The following PTK7 variants were observed in gnomAD, a reference collection of about 807,000 sequenced individuals.
PTK7 encodes protein tyrosine kinase 7 (inactive), also known as inactive tyrosine-protein kinase 7.
A neutral mutation model predicts 116.6 loss-of-function variants in PTK7; 39 were observed. That is an observed-to-expected ratio of 0.33 (90% CI 0.26 to 0.44). The LOEUF (loss-of-function observed/expected upper bound fraction) is 0.44, where lower values mean the gene tolerates loss of function less well. Among genes scored for constraint, PTK7 ranks in the 20% least tolerant of loss-of-function variants. PTK7 has a pLI of 1.00. For missense variants in PTK7, 1,169 were observed against 1,425.6 expected (o/e 0.82, Z 2.90); for synonymous variants, 546 against 563.6 (o/e 0.97, Z 0.44).
At chr6:43,104,615 A>T (rs1472863701) in intron 1 of PTK7, among the ~76,000 whole-genome samples, 1 of 151,828 alleles carries the variant, frequency 6.6e-6, no homozygotes, top group Non-Finnish European at 1.5e-5. Flanking sequence ...AAAATACAAC[A>T]TGGTGAAAAC....
At chr6:43,108,697 C>T (rs777547686) in intron 1 of PTK7, among the ~76,000 whole-genome samples, 15 of 152,220 alleles carry the variant, frequency 9.9e-5, no homozygotes, top group Non-Finnish European at 1.9e-4. Flanking sequence ...CCACTGTGCC[C>T]AGACTTGTTA....
chr6:43,149,019 A>AT (rs1167747095), intron 17 of PTK7, among the ~76,000 whole-genome samples: 1 of 140,700 alleles, frequency 7.1e-6, no homozygotes, highest in Non-Finnish European at 1.5e-5. Flanking sequence ...AGATCGTGCC[A>AT]TTGCACTCCA....
chr6:43,160,892 C>T lies in PTK7; in HGVS notation c.*11C>T, dbSNP rs201810395. 4.6e-4 allele frequency: 749 copies of T among 1,612,982 alleles called. No homozygotes were observed. The highest frequency in any genetic ancestry group is 6.0e-4 in the Non-Finnish European group (703 of 1,179,738). On this transcript the variant is annotated 3_prime_UTR_variant, in exon 20 of 20. Transcript: ENST00000230419. The stretch of plus-strand genomic sequence containing the variant: ...GACAGCAAGCCGTGAGGAGGGAGCC[C>T]GCTCAGGATGGCCTGGGCAGGGGAG...
chr6:43,157,361 TATA>T (rs1251374744), intron 17 of PTK7, among the ~76,000 whole-genome samples: 180 of 11,388 alleles, frequency 0.016, 2 homozygotes, highest in African/African-American at 0.077. Context: ...TATATATATA[TATA>T]TTTTTTTTTT....
chr6:43,093,310 C>T (rs1378243123), intron 1 of PTK7, among the ~76,000 whole-genome samples: 8 of 150,452 alleles, frequency 5.3e-5, no homozygotes, highest in Non-Finnish European at 1.2e-4. Flanking sequence ...CTGCCTCAGT[C>T]TCCAGAGTAG....
chr6:43,112,024 G>A (rs1768221331), intron 1 of PTK7, among the ~76,000 whole-genome samples: 1 of 151,864 alleles, frequency 6.6e-6, no homozygotes, highest in Non-Finnish European at 1.5e-5. Context: ...GGCATGGAAA[G>A]GATAAACAGC....
chr6:43,138,207 G>T (rs1042838216), intron 7 of PTK7, among the ~76,000 whole-genome samples: 6 of 151,576 alleles, frequency 4.0e-5, no homozygotes, highest in Admixed American at 2.6e-4. Flanking sequence ...AGAGATGGGG[G>T]TTTCACTCTG....
At chr6:43,077,232 G>C (rs967001131) in intron 1 of PTK7, among the ~76,000 whole-genome samples, 18 of 152,258 alleles carry the variant, frequency 1.2e-4, no homozygotes, top group Admixed American at 8.5e-4. Flanking sequence ...CCGAATCCGG[G>C]GATCCGAGGG....
rs867178453 is a variant in PTK7 at position 43,121,062 on chromosome 6, T to G, written c.80-7915T>G. Among the ~76,000 whole-genome samples the G allele has an allele frequency of 2.5e-3, 381 of 150,426 alleles. 4 individuals are homozygous for G. Among genetic ancestry groups the G allele is most frequent in the African/African-American group, 8.3e-3 (341 of 40,886 alleles). On this transcript the variant is annotated intron_variant, in intron 1 of 19. Transcript: ENST00000230419. The stretch of plus-strand genomic sequence containing the variant: ...CGTCATGTGCCATGTTTCTGTTTTT[T>G]TTTTTTTTTTTTTTGACTATGTTGC...
intron 17 of PTK7, among the ~76,000 whole-genome samples, chr6:43,157,047 G>A (rs1771474986): frequency 1.3e-5 from 2 of 151,618 alleles, no homozygotes; most frequent in Non-Finnish European, 2.9e-5. Flanking sequence ...ACATGTAAGT[G>A]GTAAACTACA....
chr6:43,085,076 C>G (rs1184516511), intron 1 of PTK7, among the ~76,000 whole-genome samples: 1 of 152,194 alleles, frequency 6.6e-6, no homozygotes, highest in East Asian at 1.9e-4. Context: ...GGTTAGTTAA[C>G]CTTTCTGAGC....
chr6:43,116,606 G>GTT (rs2150409302), intron 1 of PTK7, among the ~76,000 whole-genome samples: 1 of 34,458 alleles, frequency 2.9e-5, no homozygotes, highest in South Asian at 8.9e-4. Context: ...AAGCTGGTTT[G>GTT]TGTGTGTGTG....
rs200011172 is a variant in PTK7, at chr6:43,151,534, G to GT, written c.2721+4850dup. On this transcript the variant is annotated intron_variant, in intron 17 of 19. Transcript: ENST00000230419. ...AGCCCCGTTTTTTTGTTTGTTTTTT[G>GT]TTTTTTTTTTTTTTCGGAGACGGAG... Among the ~76,000 whole-genome samples, 622 of 120,318 alleles carry GT rather than the reference G, an allele frequency of 5.2e-3. 3 individuals carry two copies. The highest frequency in any genetic ancestry group is 9.4e-3 in the African/African-American group (309 of 33,010). 78.9% of individuals were successfully genotyped at this position (120,318 alleles called of 152,430 possible).
chr6:43,125,771 TGA>T (rs1769252224), intron 1 of PTK7, among the ~76,000 whole-genome samples: 2 of 152,182 alleles, frequency 1.3e-5, no homozygotes, highest in Admixed American at 1.3e-4. Context: ...GACAGCCTTG[TGA>T]GAGAGGCAGA....
intron 1 of PTK7, among the ~76,000 whole-genome samples, chr6:43,100,558 A>G (rs1767518850): frequency 6.6e-6 from 1 of 151,818 alleles, no homozygotes; most frequent in African/African-American, 2.4e-5. Flanking sequence ...TTTATAGTTT[A>G]AAACTGATTT....
intron 7 of PTK7, among the ~76,000 whole-genome samples, chr6:43,134,682 G>C (rs1382047858): frequency 6.6e-6 from 1 of 151,722 alleles, no homozygotes; most frequent in Non-Finnish European, 1.5e-5. Context: ...TGGGAGGCTG[G>C]GGCAGGAGAA....
intron 1 of PTK7, 75 bp from the exon 2 acceptor site, chr6:43,128,902 T>C: frequency 6.8e-7 from 1 of 1,469,484 alleles, no homozygotes; most frequent in Non-Finnish European, 9.2e-7. Flanking sequence ...TTTCCTCCTG[T>C]GCACAAGGTG....
At chr6:43,128,944 CT>C in intron 1 of PTK7, 32 bp from the exon 2 acceptor site, 1 of 1,571,378 alleles carries the variant, frequency 6.4e-7, no homozygotes, top group African/African-American at 1.3e-5. Flanking sequence ...GCAGCTCCCC[CT>C]GACCCTGCCT....
Position 43,119,875 on chromosome 6 carries a change from C to G in PTK7, c.80-9102C>G, listed in dbSNP as rs184396211. On this transcript the variant is annotated intron_variant, in intron 1 of 19. Transcript: ENST00000230419. ...TGGAGAGTGCTGAGAACTTGTGGTT[C>G]CCCTTGGCAATTCTGTTCCAGGTCC... Among the ~76,000 whole-genome samples, 495 of 151,172 alleles carry G rather than the reference C, an allele frequency of 3.3e-3. 5 individuals carry two copies. The highest frequency in any genetic ancestry group is 0.012 in the African/African-American group (479 of 41,458).
Sources: allele counts gnomAD v4.1 joint callset (sites outside exome capture counted in the v4.1 genomes callset), GRCh38; gene constraint gnomAD v4.1.1; transcripts MANE v1.5; gene names NCBI Gene and HGNC (gene_info 2026-07-23, HGNC 2026-07-21).